Variants in STK38L observed in about 807,000 individuals in gnomAD.
STK38L encodes serine/threonine kinase 38 like, also known as serine/threonine-protein kinase 38-like.
A neutral mutation model predicts 59.7 loss-of-function variants in STK38L; 28 were observed. That is an observed-to-expected ratio of 0.47 (90% CI 0.35 to 0.64). STK38L has a LOEUF of 0.64. Ranked by LOEUF, STK38L falls within the 30% of genes least tolerant of loss-of-function variation. STK38L has a pLI of 0.01. For missense variants in STK38L, 314 were observed against 555.8 expected, an observed-to-expected ratio of 0.56 and a Z score of 4.37; for synonymous variants, 162 against 176.8, an observed-to-expected ratio of 0.92 and a Z score of 0.66.
chr12:27,308,936 TATA>T lies in STK38L; in HGVS notation c.310-176_310-174del, dbSNP rs1455142452. Among the ~76,000 whole-genome samples the T allele has an allele frequency of 6.9e-6, 1 of 144,826 alleles. No homozygotes were observed. Among genetic ancestry groups the T allele is most frequent in the Non-Finnish European group, 1.5e-5 (1 of 65,846 alleles). On this transcript the variant is annotated intron_variant, in intron 4 of 13. Transcript: ENST00000389032. The surrounding 1 kb of genome is among the most constrained non-coding windows in gnomAD (Gnocchi z 4.5). ...TATATATTAATATATATAAAATATA[TATA>T]AATATATATATAACATATATAAAAA...
intron 1 of STK38L, among the ~76,000 whole-genome samples, chr12:27,270,976 G>A (rs1943411176): frequency 6.6e-6 from 1 of 152,212 alleles, no homozygotes; most frequent in African/African-American, 2.4e-5. Flanking sequence ...AAAGGGACAT[G>A]TTAACAGTGT....
chr12:27,266,298 C>G (rs561997103), intron 1 of STK38L, among the ~76,000 whole-genome samples: 1 of 152,044 alleles, frequency 6.6e-6, no homozygotes, highest in Non-Finnish European at 1.5e-5. Context: ...CCACATATTC[C>G]CTGTGCCTGG....
At chr12:27,301,192 AAAAATG>A (rs1426256138) in intron 2 of STK38L, among the ~76,000 whole-genome samples, 1 of 152,228 alleles carries the variant, frequency 6.6e-6, no homozygotes, top group Non-Finnish European at 1.5e-5. Flanking sequence ...GCTGTTTAAA[AAAAATG>A]AATAACTGAA....
chr12:27,291,890 A>C (rs1167993629), intron 1 of STK38L, among the ~76,000 whole-genome samples: 1 of 152,250 alleles, frequency 6.6e-6, no homozygotes, highest in Non-Finnish European at 1.5e-5. Context: ...CAGGTAAAGC[A>C]GTTCTATTTT....
At chr12:27,306,850 C>T (rs1282220133) in intron 3 of STK38L, among the ~76,000 whole-genome samples, 1 of 152,072 alleles carries the variant, frequency 6.6e-6, no homozygotes, top group Non-Finnish European at 1.5e-5. Flanking sequence ...AAGTGATTCT[C>T]CTGCCTCAGC....
At chr12:27,290,135 C>T (rs1055155967) in intron 1 of STK38L, among the ~76,000 whole-genome samples, 9 of 152,174 alleles carry the variant, frequency 5.9e-5, no homozygotes, top group East Asian at 1.9e-4. Flanking sequence ...AAACACATGA[C>T]GTATCTCAGT....
At chr12:27,281,663 G>T (rs998463720) in intron 1 of STK38L, among the ~76,000 whole-genome samples, 10 of 152,236 alleles carry the variant, frequency 6.6e-5, no homozygotes, top group African/African-American at 2.4e-4. Context: ...AACAACAGTG[G>T]TGATAAGGAT....
At chr12:27,256,761 A>C (rs1324691615) in intron 1 of STK38L, among the ~76,000 whole-genome samples, 5 of 152,210 alleles carry the variant, frequency 3.3e-5, no homozygotes, top group Admixed American at 3.3e-4. Context: ...TGTCACTGCA[A>C]GAGTAATATT....
Position 27,323,331 on chromosome 12 carries a change from C to T in STK38L, c.*876C>T, listed in dbSNP as rs1944774135. On this transcript the variant is annotated 3_prime_UTR_variant, in exon 14 of 14. Coordinates refer to ENST00000389032, the MANE Select transcript of STK38L (RefSeq NM_015000.4). ...ATTTAAGACATGACCATGAAGGCTGCTTGTAGAATTAGTGTATTTTTATTA... is the reference window on the plus strand; with the variant it reads ...ATTTAAGACATGACCATGAAGGCTGTTTGTAGAATTAGTGTATTTTTATTA... The T allele has an allele frequency of 6.6e-6, 1 of 152,374 alleles. No homozygotes were observed. The highest frequency in any genetic ancestry group is 2.4e-5 in the African/African-American group (1 of 41,426). The allele number at this position is 152,374 out of a possible 1,614,324, so 9.4% of individuals were successfully genotyped here.
At chr12:27,305,958 T>C (rs921335766) in intron 3 of STK38L, among the ~76,000 whole-genome samples, 3 of 152,216 alleles carry the variant, frequency 2.0e-5, no homozygotes, top group African/African-American at 7.2e-5. Context: ...TGAGTAGATA[T>C]ATCAACAGGC....
chr12:27,267,286 A>G (rs989088884), intron 1 of STK38L, among the ~76,000 whole-genome samples: 1 of 152,206 alleles, frequency 6.6e-6, no homozygotes, highest in African/African-American at 2.4e-5. Flanking sequence ...ACCTCAGGTT[A>G]AGAAGCAGAA....
chr12:27,307,071 G>A (rs571529244), intron 3 of STK38L, among the ~76,000 whole-genome samples: 157 of 152,054 alleles, frequency 1.0e-3, no homozygotes, highest in Non-Finnish European at 1.9e-3. Flanking sequence ...TTTCATTGTT[G>A]TTTGCTTACT....
chr12:27,306,366 T>C (rs1241311251), intron 3 of STK38L, among the ~76,000 whole-genome samples: 1 of 151,932 alleles, frequency 6.6e-6, no homozygotes, highest in Non-Finnish European at 1.5e-5. Flanking sequence ...AAAAAAACCC[T>C]CCTCACTACT....
chr12:27,277,079 T>C (rs903479327), intron 1 of STK38L, among the ~76,000 whole-genome samples: 45 of 152,322 alleles, frequency 3.0e-4, no homozygotes, highest in African/African-American at 1.1e-3. Context: ...CACCAAATTA[T>C]CCCAATTTCA....
chr12:27,290,301 G>C (rs574862040), intron 1 of STK38L, among the ~76,000 whole-genome samples: 1 of 152,256 alleles, frequency 6.6e-6, no homozygotes, highest in Non-Finnish European at 1.5e-5. Context: ...CTAGTGAATG[G>C]CTGCACCAAA....
At chr12:27,251,260 T>C (rs1324383124) in intron 1 of STK38L, among the ~76,000 whole-genome samples, 2 of 152,208 alleles carry the variant, frequency 1.3e-5, no homozygotes, top group Admixed American at 6.5e-5. Flanking sequence ...TGATTTCTTA[T>C]AGACAGGGAT....
chr12:27,303,026 A>T (rs1292687099), intron 3 of STK38L, among the ~76,000 whole-genome samples: 3 of 151,178 alleles, frequency 2.0e-5, no homozygotes, highest in Non-Finnish European at 4.4e-5. Context: ...AAAAAAAAAA[A>T]AAAAAAAATT....
chr12:27,292,939 G>A (rs1399206674), intron 1 of STK38L, among the ~76,000 whole-genome samples: 1 of 151,940 alleles, frequency 6.6e-6, no homozygotes, highest in Non-Finnish European at 1.5e-5. Context: ...CTATACTGTT[G>A]GGTTTTTTGT....
chr12:27,248,059 C>T (rs1195610202), intron 1 of STK38L, among the ~76,000 whole-genome samples: 1 of 152,166 alleles, frequency 6.6e-6, no homozygotes, highest in Non-Finnish European at 1.5e-5. Flanking sequence ...AAGTGATCCT[C>T]CTGCCTTGGC....
Sources: gnomAD v4.1 joint callset for allele counts (sites outside exome capture counted in the v4.1 genomes callset) on GRCh38, gnomAD v4.1.1 for gene constraint, Gnocchi (gnomAD v3.1) non-coding constraint, MANE v1.5 for transcripts, NCBI Gene and HGNC (gene_info 2026-07-23, HGNC 2026-07-21) for gene names.